The following LINGO2 variants were observed in gnomAD, a reference collection of about 807,000 sequenced individuals.
LINGO2 encodes the protein leucine rich repeat and Ig domain containing 2.
A neutral mutation model predicts 30.6 loss-of-function variants in LINGO2; 14 were observed. That is an observed-to-expected ratio of 0.46 (90% confidence interval 0.30 to 0.72). The LOEUF is 0.72. LINGO2 is among the 30% of genes least tolerant of loss of function. LINGO2 has a pLI of 0.07. For synonymous variants in LINGO2, 317 were observed against 288.5 expected, an observed-to-expected ratio of 1.10 and a Z score of -1.00; for missense variants, 729 against 751.7, an observed-to-expected ratio of 0.97 and a Z score of 0.35.
At chr9:29,117,304 G>T in the LINGO2 span, among the ~76,000 whole-genome samples, 1 of 152,016 alleles carries the variant, frequency 6.6e-6, no homozygotes, top group Non-Finnish European at 1.5e-5. Flanking sequence ...CAGGGTGAAG[G>T]AAAAGAGAAA....
exon 6 of LINGO2, chr9:27,950,094 G>C (rs1265499185): frequency 6.2e-7 from 1 of 1,614,000 alleles, no homozygotes; most frequent in Non-Finnish European, 8.5e-7. Context: ...GGCTTCTGTT[G>C]GTACTGCTGT....
chr9:28,551,960 A>G (rs1293261083), intron 1 of LINGO2, among the ~76,000 whole-genome samples: 1 of 152,064 alleles, frequency 6.6e-6, no homozygotes, highest in Non-Finnish European at 1.5e-5. Context: ...TCTTCCTTTT[A>G]TAAAAATATT....
At chr9:29,209,708 T>C in the LINGO2 span, among the ~76,000 whole-genome samples, 1 of 152,196 alleles carries the variant, frequency 6.6e-6, no homozygotes, top group Admixed American at 6.5e-5. Context: ...TTGAATAGTT[T>C]TTAAAGTTAT....
At chr9:29,123,278 A>G in the LINGO2 span, among the ~76,000 whole-genome samples, 1 of 152,220 alleles carries the variant, frequency 6.6e-6, no homozygotes, top group East Asian at 1.9e-4. Flanking sequence ...CAAGATAAGT[A>G]TTACCTGCTA....
the LINGO2 span, among the ~76,000 whole-genome samples, chr9:29,129,799 G>A: frequency 6.6e-6 from 1 of 152,200 alleles, no homozygotes; most frequent in African/African-American, 2.4e-5. Context: ...TTTTTGGTAG[G>A]TAAGGTTGTA....
the LINGO2 span, among the ~76,000 whole-genome samples, chr9:28,898,474 G>T: frequency 6.6e-6 from 1 of 152,100 alleles, no homozygotes; most frequent in Non-Finnish European, 1.5e-5. Flanking sequence ...AGCACTATTT[G>T]CCCATGGTAG....
intron 4 of LINGO2, among the ~76,000 whole-genome samples, chr9:28,027,874 C>T (rs1823460394): frequency 6.6e-6 from 1 of 152,022 alleles, no homozygotes; most frequent in African/African-American, 2.4e-5. Context: ...AAATTTTTGC[C>T]TCAATATGTC....
chr9:28,705,953 T>G, the LINGO2 span, among the ~76,000 whole-genome samples: 1 of 152,026 alleles, frequency 6.6e-6, no homozygotes, highest in East Asian at 1.9e-4. Flanking sequence ...ATTGTTCAGA[T>G]TTTTACTTGT....
chr9:28,781,503 C>T, the LINGO2 span, among the ~76,000 whole-genome samples: 2 of 152,144 alleles, frequency 1.3e-5, no homozygotes, highest in African/African-American at 4.8e-5. Context: ...TCCAGCTCTA[C>T]AATTGGCACT....
intron 2 of LINGO2, among the ~76,000 whole-genome samples, chr9:28,421,109 A>T (rs897176347): frequency 1.3e-5 from 2 of 152,054 alleles, no homozygotes; most frequent in Admixed American, 1.3e-4. Context: ...GAACAAAGAA[A>T]CAAAAAAAAT....
At chr9:29,086,549 T>C in the LINGO2 span, among the ~76,000 whole-genome samples, 2 of 152,284 alleles carry the variant, frequency 1.3e-5, no homozygotes, top group Admixed American at 1.3e-4. Flanking sequence ...GGCAAGTTCC[T>C]TATGAAAATG....
intron 4 of LINGO2, among the ~76,000 whole-genome samples, chr9:28,264,947 A>G (rs754327126): frequency 1.3e-5 from 2 of 151,936 alleles, no homozygotes; most frequent in Non-Finnish European, 2.9e-5. Context: ...GGTTTCCTAG[A>G]GAAGAAGAAA....
chr9:28,849,009 A>G, the LINGO2 span, among the ~76,000 whole-genome samples: 1 of 151,998 alleles, frequency 6.6e-6, no homozygotes, highest in Non-Finnish European at 1.5e-5. Context: ...TATTCTTTAC[A>G]TAAAATAGAT....
chr9:28,439,333 C>A (rs1018895775), intron 2 of LINGO2, among the ~76,000 whole-genome samples: 17 of 151,694 alleles, frequency 1.1e-4, no homozygotes, highest in Non-Finnish European at 1.9e-4. Flanking sequence ...AGCAAGGATC[C>A]TCTGGCAGTC....
the LINGO2 span, among the ~76,000 whole-genome samples, chr9:28,994,153 A>C: frequency 7.2e-5 from 11 of 152,122 alleles, no homozygotes; most frequent in Admixed American, 6.6e-4. Context: ...TTAAGCTGAT[A>C]AGCAACTTCA....
chr9:29,167,646 C>A, the LINGO2 span, among the ~76,000 whole-genome samples: 1 of 152,126 alleles, frequency 6.6e-6, no homozygotes, highest in Non-Finnish European at 1.5e-5. Flanking sequence ...CTGTCAATAT[C>A]TTAAAGCCAT....
chr9:28,438,831 T>C (rs1212936171), intron 2 of LINGO2, among the ~76,000 whole-genome samples: 1 of 143,476 alleles, frequency 7.0e-6, no homozygotes, highest in Non-Finnish European at 1.5e-5. Flanking sequence ...TATATACATA[T>C]ATATATATAT....
chr9:28,248,183 T>C (rs1293046897), intron 4 of LINGO2, among the ~76,000 whole-genome samples: 1 of 152,180 alleles, frequency 6.6e-6, no homozygotes, highest in East Asian at 1.9e-4. Context: ...CTGTTCACAA[T>C]AGTTAAGATT....
intron 1 of LINGO2, among the ~76,000 whole-genome samples, chr9:28,618,331 A>G (rs565433704): frequency 1.3e-5 from 2 of 152,240 alleles, no homozygotes; most frequent in Non-Finnish European, 2.9e-5. Context: ...CTCACTACAC[A>G]TTCAATCATT....
Sources: gnomAD v4.1 joint callset for allele counts (sites outside exome capture counted in the v4.1 genomes callset) on GRCh38, gnomAD v4.1.1 for gene constraint, MANE v1.5 for transcripts, NCBI Gene and HGNC (gene_info 2026-07-23, HGNC 2026-07-21) for gene names.